The following HNRNPA2B1 variants were observed in gnomAD, a reference collection of about 807,000 sequenced individuals.
HNRNPA2B1 encodes the protein heterogeneous nuclear ribonucleoprotein A2/B1.
A neutral mutation model predicts 46.3 loss-of-function variants in HNRNPA2B1; 3 were observed. The observed-to-expected ratio is 0.06, with a 90% CI of 0.03 to 0.17. The LOEUF (loss-of-function observed/expected upper bound fraction) is 0.17, where lower values mean the gene tolerates loss of function less well. Ranked by LOEUF, HNRNPA2B1 falls within the 10% of genes least tolerant of loss-of-function variation. The probability of loss-of-function intolerance (pLI) is 1.00; values close to 1 mark genes in which losing one functional copy is unlikely to be tolerated. For synonymous variants in HNRNPA2B1, 225 were observed against 133.8 expected (o/e 1.68, Z -4.70); for missense variants, 221 against 418.9 (o/e 0.53, Z 4.12).
chr7:26,192,524 G>A lies in HNRNPA2B1; in HGVS notation c.1018C>T (p.Arg340Ter). The A allele has an allele frequency of 6.2e-7, 1 of 1,613,106 alleles. No homozygotes were observed. The highest frequency in any genetic ancestry group is 8.5e-7 in the Non-Finnish European group (1 of 1,179,136). Residue 340 changes from arginine to a stop codon, truncating the protein, a stop_gained, in exon 10 of 11, where the codon CGA (arginine) becomes TGA (stop). Coordinates refer to ENST00000618183, the MANE Select transcript of HNRNPA2B1 (RefSeq NM_002137.4). LOFTEE classifies it high-confidence loss of function. ...GGSGGYGGRS[R>*]Y ...GGCAAATAGGAAGAAGCTCAGTATCGGCTCCTCCCACCATAACCCCCACTT... is the reference window on the plus strand; with the variant it reads ...GGCAAATAGGAAGAAGCTCAGTATCAGCTCCTCCCACCATAACCCCCACTT...
Position 26,191,923 on chromosome 7 carries a change from G to C in HNRNPA2B1, c.*437C>G, listed in dbSNP as rs1167481014. ...ACACACGCACTTAAATTTTTTTAAA[G>C]GAAAAACGTTATGTCTTATTACACC... On this transcript the variant is annotated 3_prime_UTR_variant, in exon 11 of 11. Coordinates refer to ENST00000618183, the MANE Select transcript of HNRNPA2B1 (RefSeq NM_002137.4). 1 of 152,504 alleles carries C rather than the reference G, an allele frequency of 6.6e-6. No homozygotes were observed. Among genetic ancestry groups the C allele is most frequent in the African/African-American group, 2.4e-5 (1 of 41,424 alleles). The allele number at this position is 152,504 out of a possible 1,614,324, so 9.4% of individuals were successfully genotyped here.
rs1362209683 is a variant in HNRNPA2B1, at chr7:26,200,690, C to A, written c.-113G>T. ...GGCGCTGTAGTGAGAACTGCCGCTG[C>A]TCGAGAAACAACTCTGCGAGGAGCA... On this transcript the variant is annotated 5_prime_UTR_variant, in exon 1 of 11. Coordinates refer to ENST00000618183, the MANE Select transcript of HNRNPA2B1 (RefSeq NM_002137.4). 36 of 1,352,190 alleles carry A rather than the reference C, an allele frequency of 2.7e-5. No individual in the cohort carries two copies. The highest frequency in any genetic ancestry group is 2.1e-5 in the Non-Finnish European group (20 of 948,320). 83.8% of individuals were successfully genotyped at this position (1,352,190 alleles called of 1,614,324 possible). A position where few individuals can be genotyped will look rare whatever the true frequency, so the allele number is the denominator to read the frequency against.
chr7:26,192,689 T>A (rs954857823), intron 9 of HNRNPA2B1, 112 bp from the exon 10 acceptor site: 2 of 866,708 alleles, frequency 2.3e-6, no homozygotes, highest in East Asian at 4.9e-5. Flanking sequence ...AACAAGCAGA[T>A]CCTAATCCTT....
chr7:26,195,816 T>C (rs1351542939), intron 7 of HNRNPA2B1, 31 bp downstream of exon 7: 9 of 1,605,076 alleles, frequency 5.6e-6, no homozygotes, highest in East Asian at 2.2e-5. Context: ...ATTAGTCACA[T>C]AAACAAACCA....
At chr7:26,195,732 C>G in intron 7 of HNRNPA2B1, 115 bp downstream of exon 7, 1 of 1,167,942 alleles carries the variant, frequency 8.6e-7, no homozygotes, top group Non-Finnish European at 1.2e-6. Context: ...ATCACCCAAG[C>G]CATTTATAGA....
Position 26,198,018 on chromosome 7 carries a change from A to T in HNRNPA2B1, c.7-286T>A, listed in dbSNP as rs953083021. 9 of 415,482 alleles carry T rather than the reference A, an allele frequency of 2.2e-5. No homozygotes were observed. In the Admixed American group the frequency reaches 3.9e-4, roughly 18 times the overall value. The allele number at this position is 415,482 out of a possible 1,614,324, so 25.7% of individuals were successfully genotyped here. On this transcript the variant is annotated intron_variant, in intron 1 of 10. Coordinates refer to ENST00000618183, the MANE Select transcript of HNRNPA2B1 (RefSeq NM_002137.4). ...ATTTACTCAACATTAAATTATCTTA[A>T]ATTATTAATTAAAAAAAAAACTTTC...
chr7:26,192,746 A>G (rs549201785), intron 9 of HNRNPA2B1, among the ~76,000 whole-genome samples, 169 bp from the exon 10 acceptor site: 109 of 152,370 alleles, frequency 7.2e-4, no homozygotes, highest in Non-Finnish European at 1.2e-3. Context: ...ACTCGGGTTC[A>G]TAGACATTTT....
intron 7 of HNRNPA2B1, among the ~76,000 whole-genome samples, chr7:26,194,058 A>G (rs991176877): frequency 5.9e-5 from 9 of 152,222 alleles, no homozygotes; most frequent in Non-Finnish European, 1.2e-4. Flanking sequence ...CTGGCCCAAA[A>G]GATAAAGTTT....
intron 1 of HNRNPA2B1, chr7:26,200,201 G>T (rs1048865876): frequency 3.3e-6 from 1 of 299,304 alleles, no homozygotes; most frequent in African/African-American, 2.2e-5. Flanking sequence ...TCGCTCACGA[G>T]GACCTGCTGC....
chr7:26,197,111 C>A (rs937650166), intron 3 of HNRNPA2B1, 94 bp from the exon 4 acceptor site: 1 of 1,110,738 alleles, frequency 9.0e-7, no homozygotes, highest in South Asian at 1.4e-5. Flanking sequence ...CGCTTGTATC[C>A]ACCTTAAAAC....
At position 26,200,633 on chromosome 7, in the gene HNRNPA2B1, C is replaced by A; in HGVS notation, c.-56G>T. ...CGCAGCCGAGCGAGATGAGAGAGATCTCCGCGGACGAACACGAACCGGACT... is the reference window on the plus strand; with the variant it reads ...CGCAGCCGAGCGAGATGAGAGAGATATCCGCGGACGAACACGAACCGGACT... On this transcript the variant is annotated 5_prime_UTR_variant, in exon 1 of 11. Transcript: ENST00000618183. The A allele has an allele frequency of 6.2e-7, 1 of 1,612,412 alleles. No homozygotes were observed. The highest frequency in any genetic ancestry group is 1.7e-4 in the Middle Eastern group (1 of 6,058).
intron 1 of HNRNPA2B1, chr7:26,198,038 ACTTT>A (rs576868237): frequency 2.1e-5 from 9 of 438,734 alleles, no homozygotes; most frequent in Admixed American, 4.1e-5. Context: ...TAAAAAAAAA[ACTTT>A]CTAAGGAAAA....
chr7:26,193,369 A>G lies in HNRNPA2B1; in HGVS notation c.846T>C (p.Asn282=). 1 of 1,610,110 alleles carries G rather than the reference A, an allele frequency of 6.2e-7. No homozygotes were observed. Among genetic ancestry groups the G allele is most frequent in the Non-Finnish European group, 8.5e-7 (1 of 1,176,634 alleles). ...GGGYDNYGGG[N]YGSGNYNDFG... ...AATCATTGTAATTTCCACTTCCATA[A>G]TTTCCTATTAAAAAATTGGAATACT... The change falls in exon 9 of 11, where the codon AAT becomes AAC. Residue 282 remains asparagine (N), a synonymous_variant. Coordinates refer to ENST00000618183, the MANE Select transcript of HNRNPA2B1 (RefSeq NM_002137.4).
chr7:26,194,288 C>G lies in HNRNPA2B1; in HGVS notation c.722-594G>C, dbSNP rs139901767. Among the ~76,000 whole-genome samples the G allele has an allele frequency of 6.2e-3, 936 of 152,136 alleles. 24 individuals are homozygous for G. Among genetic ancestry groups the G allele is most frequent in the East Asian group, 0.049 (255 of 5,164 alleles). On this transcript the variant is annotated intron_variant, in intron 7 of 10. Transcript: ENST00000618183. ...GCAGCAACCTGTAGTACTAGCTACT[C>G]TGGAGGCTGAGGCAGGAGAATGGCG...
In HNRNPA2B1 at chr7:26,200,569, T is replaced by C; in HGVS notation, c.6+3A>G. 2 of 1,613,418 alleles carry C rather than the reference T, an allele frequency of 1.2e-6. No homozygotes were observed. The highest frequency in any genetic ancestry group is 1.7e-6 in the Non-Finnish European group (2 of 1,179,958). On this transcript the variant is annotated splice_donor_region_variant and intron_variant, in intron 1 of 10. Transcript: ENST00000618183. ...AATAACTCATTGATTTCAAACCCGT[T>C]ACCTCCATCGCGGACTCAGTCGCTT...
intron 6 of HNRNPA2B1, 78 bp downstream of exon 6, chr7:26,196,323 G>C (rs201904590): frequency 1.0e-5 from 12 of 1,182,008 alleles, no homozygotes; most frequent in African/African-American, 1.5e-5. Context: ...TGGATTTCTT[G>C]ATTCTACTAA....
intron 4 of HNRNPA2B1, 62 bp downstream of exon 4, chr7:26,196,744 TG>T: frequency 1.3e-6 from 2 of 1,565,070 alleles, no homozygotes; most frequent in Non-Finnish European, 1.8e-6. Flanking sequence ...AAGTTACAGA[TG>T]TTAACATACA....
Position 26,192,269 on chromosome 7 carries a change from G to C in HNRNPA2B1, c.*91C>G. ...CTGAGATAAGAGTTTCCTTAACATT[G>C]TTATTTCGATAACCTGAAGCTGTTC... On this transcript the variant is annotated 3_prime_UTR_variant, in exon 11 of 11. Coordinates refer to ENST00000618183, the MANE Select transcript of HNRNPA2B1 (RefSeq NM_002137.4). 1 of 468,360 alleles carries C rather than the reference G, an allele frequency of 2.1e-6. No homozygotes were observed. Among genetic ancestry groups the C allele is most frequent in the South Asian group, 3.0e-5 (1 of 33,306 alleles). The allele number at this position is 468,360 out of a possible 1,614,324, so 29.0% of individuals were successfully genotyped here. A position where few individuals can be genotyped will look rare whatever the true frequency, so the allele number is the denominator to read the frequency against.
rs1583967921 is a variant in HNRNPA2B1 at position 26,193,168 on chromosome 7, T to C, written c.964+83A>G. Reference sequence around the variant, plus strand: ...AGCACTGCCCACAGTACAAACTACTTAGTATGTTATCTTCCCTTTAAGTCA... The same window carrying C: ...AGCACTGCCCACAGTACAAACTACTCAGTATGTTATCTTCCCTTTAAGTCA... On this transcript the variant is annotated intron_variant, in intron 9 of 10. Coordinates refer to ENST00000618183, the MANE Select transcript of HNRNPA2B1 (RefSeq NM_002137.4). The C allele has an allele frequency of 5.8e-5, 78 of 1,350,372 alleles. No homozygotes were observed. The East Asian group carries it at 1.8e-3, about 31-fold the overall frequency. The allele number at this position is 1,350,372 out of a possible 1,614,324, so 83.6% of individuals were successfully genotyped here. A position where few individuals can be genotyped will look rare whatever the true frequency, so the allele number is the denominator to read the frequency against.
Sources: allele counts gnomAD v4.1 joint callset (sites outside exome capture counted in the v4.1 genomes callset), GRCh38; gene constraint gnomAD v4.1.1; transcripts MANE v1.5; gene names NCBI Gene and HGNC (gene_info 2026-07-23, HGNC 2026-07-21).